FARS2: variants seen among roughly 807,000 people sequenced by gnomAD.
FARS2 encodes the protein phenylalanyl-tRNA synthetase 2, mitochondrial.
FARS2 carries 40 observed loss-of-function variants against 46.4 expected under a neutral mutation model. The ratio of observed to expected loss-of-function variants is 0.86; its 90% CI spans 0.67 to 1.12. FARS2 has a LOEUF of 1.12. Ranked by LOEUF, FARS2 falls within the 50% of genes most tolerant of loss-of-function variation. The pLI, the probability that FARS2 is intolerant of heterozygous loss-of-function variation, is 0.00. For synonymous variants in FARS2, 234 were observed against 214.9 expected (o/e 1.09, Z -0.78); for missense variants, 513 against 567.9 (o/e 0.90, Z 0.98).
At chr6:5,594,909 A>T (rs926957919) in intron 5 of FARS2, among the ~76,000 whole-genome samples, 4 of 152,160 alleles carry the variant, frequency 2.6e-5, no homozygotes, top group African/African-American at 9.7e-5. Context: ...TGAGCCCCTG[A>T]CAGGAATAGA....
chr6:5,346,919 T>A (rs1757275081), intron 1 of FARS2, among the ~76,000 whole-genome samples: 1 of 151,952 alleles, frequency 6.6e-6, no homozygotes. Flanking sequence ...AGGTTTTTTT[T>A]TTTTTTTTAA....
At chr6:5,610,249 G>C (rs1242930500) in intron 5 of FARS2, 1 of 497,910 alleles carries the variant, frequency 2.0e-6, no homozygotes, top group Non-Finnish European at 3.6e-6. Flanking sequence ...CAGCATCCAC[G>C]AGCAGAAAGT....
At chr6:5,498,207 C>G (rs1767584110) in intron 4 of FARS2, among the ~76,000 whole-genome samples, 1 of 152,100 alleles carries the variant, frequency 6.6e-6, no homozygotes. Context: ...TTTTGGTGTT[C>G]TAAATTGGAA....
chr6:5,253,689 C>T, the FARS2 span, among the ~76,000 whole-genome samples: 6,777 of 152,156 alleles, frequency 0.045, 224 homozygotes, highest in East Asian at 0.1. Flanking sequence ...TGTCACCGAC[C>T]AATTGAGAGC....
At chr6:5,528,555 C>T (rs1040991233) in intron 4 of FARS2, among the ~76,000 whole-genome samples, 5 of 152,194 alleles carry the variant, frequency 3.3e-5, no homozygotes, top group African/African-American at 1.2e-4. Flanking sequence ...GTTACGCATA[C>T]CTGGGTTCAC....
chr6:5,633,688 T>G (rs1403604832), intron 6 of FARS2, among the ~76,000 whole-genome samples: 1 of 152,182 alleles, frequency 6.6e-6, no homozygotes, highest in Non-Finnish European at 1.5e-5. Flanking sequence ...ATTTTAATAT[T>G]TTAACCCTTT....
At chr6:5,495,094 C>T (rs548795678) in intron 4 of FARS2, among the ~76,000 whole-genome samples, 10 of 152,304 alleles carry the variant, frequency 6.6e-5, no homozygotes, top group African/African-American at 1.9e-4. Context: ...TCCCTCCTTC[C>T]CTCTCATTGC....
chr6:5,374,521 G>GT (rs1229370922), intron 2 of FARS2, among the ~76,000 whole-genome samples: 2 of 151,976 alleles, frequency 1.3e-5, no homozygotes, highest in Non-Finnish European at 2.9e-5. Flanking sequence ...TTTTACACAA[G>GT]TTTTTACCAA....
rs572005312 is a variant in FARS2 at position 5,411,151 on chromosome 6, C to T, written c.772+6450C>T. Among the ~76,000 whole-genome samples the T allele has an allele frequency of 5.9e-5, 9 of 152,288 alleles. No homozygotes were observed. The East Asian group carries it at 1.2e-3, about 20-fold the overall frequency. On this transcript the variant is annotated intron_variant, in intron 3 of 6. Coordinates refer to ENST00000274680, the MANE Select transcript of FARS2 (RefSeq NM_006567.5). The stretch of plus-strand genomic sequence containing the variant: ...AATCAGGGCCAGGCCCAATGGCTCA[C>T]GCCTGTAGTCCCAGCTACTTAGGAG...
chr6:5,723,786 GA>G (rs1242738611), intron 6 of FARS2, among the ~76,000 whole-genome samples: 1 of 152,218 alleles, frequency 6.6e-6, no homozygotes, highest in Non-Finnish European at 1.5e-5. Flanking sequence ...CAAGCAGTAA[GA>G]AAACAAAATG....
At chr6:5,509,143 T>C (rs780945961) in intron 4 of FARS2, among the ~76,000 whole-genome samples, 2 of 152,182 alleles carry the variant, frequency 1.3e-5, no homozygotes, top group Non-Finnish European at 2.9e-5. Flanking sequence ...TTTTCAACCT[T>C]AGAGAATAGA....
At chr6:5,581,664 A>C (rs1561729449) in intron 5 of FARS2, among the ~76,000 whole-genome samples, 1 of 152,244 alleles carries the variant, frequency 6.6e-6, no homozygotes, top group Non-Finnish European at 1.5e-5. Flanking sequence ...CTGCCTCTGC[A>C]CGTTGGGACA....
chr6:5,588,369 G>A (rs905546184), intron 5 of FARS2, among the ~76,000 whole-genome samples: 7 of 152,170 alleles, frequency 4.6e-5, no homozygotes, highest in East Asian at 1.9e-4. Flanking sequence ...AAAAAGATAA[G>A]TTAGAAATCT....
chr6:5,329,900 G>A (rs189089359), intron 1 of FARS2, among the ~76,000 whole-genome samples: 54 of 152,180 alleles, frequency 3.5e-4, no homozygotes, highest in African/African-American at 1.1e-3. Context: ...TAATTACATC[G>A]ACATGATAGA....
intron 6 of FARS2, among the ~76,000 whole-genome samples, chr6:5,754,705 AG>A (rs1762121036): frequency 6.6e-6 from 1 of 152,226 alleles, no homozygotes; most frequent in East Asian, 1.9e-4. Flanking sequence ...TAATTGATGT[AG>A]GTTGACAGTT....
chr6:5,541,932 G>A (rs888857712), intron 4 of FARS2, among the ~76,000 whole-genome samples: 1 of 152,112 alleles, frequency 6.6e-6, no homozygotes. Flanking sequence ...CCCTTTTAGA[G>A]TATATAGGGT....
chr6:5,481,926 C>G (rs1766484588), intron 4 of FARS2, among the ~76,000 whole-genome samples: 2 of 152,158 alleles, frequency 1.3e-5, no homozygotes, highest in Non-Finnish European at 2.9e-5. Context: ...TGTGGATATG[C>G]TTGAGGACTG....
intron 6 of FARS2, among the ~76,000 whole-genome samples, chr6:5,653,303 A>ACAGGGT (rs1777456259): frequency 6.6e-6 from 1 of 152,220 alleles, no homozygotes; most frequent in Non-Finnish European, 1.5e-5. Context: ...GATTTTAACA[A>ACAGGGT]AAAAGTACAC....
chr6:5,445,190 T>TA (rs34383902), intron 4 of FARS2, among the ~76,000 whole-genome samples: 124,545 of 149,962 alleles, frequency 0.83, 51,827 homozygotes, highest in East Asian at 0.96. Flanking sequence ...TAGAGACCTT[T>TA]AAAAAAAAAG....
Sources: allele counts gnomAD v4.1 joint callset (sites outside exome capture counted in the v4.1 genomes callset), GRCh38; gene constraint gnomAD v4.1.1; transcripts MANE v1.5; gene names NCBI Gene and HGNC (gene_info 2026-07-23, HGNC 2026-07-21).